The following GOLIM4 variants were observed in gnomAD, a reference collection of about 807,000 sequenced individuals.
GOLIM4 encodes the protein golgi integral membrane protein 4, also known as 130 kDa golgi-localized phosphoprotein.
A neutral mutation model predicts 107.4 loss-of-function variants in GOLIM4; 71 were observed. The observed-to-expected ratio is 0.66, with a 90% confidence interval of 0.55 to 0.81. The LOEUF is 0.81. GOLIM4 is among the 30% of genes least tolerant of loss of function. The pLI is 0.00. For missense variants in GOLIM4, 830 were observed against 826.1 expected (o/e 1.00, Z -0.06); for synonymous variants, 327 against 294.8 (o/e 1.11, Z -1.12).
chr3:168,024,685 T>TGAAAAG (rs1717899979), intron 13 of GOLIM4, 91 bp from the exon 14 acceptor site: 1 of 1,074,736 alleles, frequency 9.3e-7, no homozygotes, highest in Non-Finnish European at 1.4e-6. Context: ...CATGCCACCA[T>TGAAAAG]GAAAAGGGCA....
chr3:168,071,154 T>C (rs986181798), intron 1 of GOLIM4, among the ~76,000 whole-genome samples: 2 of 152,170 alleles, frequency 1.3e-5, no homozygotes, highest in African/African-American at 4.8e-5. Context: ...TCGTCAGTGA[T>C]TTTTAACCTC....
Position 168,095,559 on chromosome 3 carries a change from T to G in GOLIM4, c.-274A>C. On this transcript the variant is annotated 5_prime_UTR_variant, in exon 1 of 16. An upstream start codon of the reference 5' UTR is lost. Coordinates refer to ENST00000470487, the MANE Select transcript of GOLIM4 (RefSeq NM_014498.5). The stretch of plus-strand genomic sequence containing the variant: ...CGGGGCCGGGAGGAGGCCCTCCGCA[T>G]ACTTCAGAGCCGGCTGCCCTCGCGC... The G allele has an allele frequency of 2.3e-6, 1 of 437,982 alleles. No individual in the cohort carries two copies. Among genetic ancestry groups the G allele is most frequent in the Non-Finnish European group, 4.1e-6 (1 of 246,260 alleles). The allele number at this position is 437,982 out of a possible 1,614,324, so 27.1% of individuals were successfully genotyped here. A position where few individuals can be genotyped will look rare whatever the true frequency, so the allele number is the denominator to read the frequency against.
intron 2 of GOLIM4, among the ~76,000 whole-genome samples, chr3:168,047,553 A>G (rs1295706193): frequency 1.3e-5 from 2 of 152,202 alleles, no homozygotes; most frequent in Non-Finnish European, 2.9e-5. Context: ...GGGTCAGTAA[A>G]ACATCCTAAC....
intron 1 of GOLIM4, among the ~76,000 whole-genome samples, chr3:168,050,047 C>T (rs1036945303): frequency 2.6e-5 from 4 of 152,108 alleles, no homozygotes; most frequent in East Asian, 3.9e-4. Flanking sequence ...TTCCCTCATC[C>T]GTAGGCAGTC....
chr3:168,033,497 C>T (rs990561178), intron 8 of GOLIM4, among the ~76,000 whole-genome samples: 80 of 149,598 alleles, frequency 5.3e-4, no homozygotes, highest in South Asian at 8.6e-4. Flanking sequence ...GTCCCAGCTA[C>T]GCGGGAGGCT....
chr3:168,074,917 T>G (rs142392045), intron 1 of GOLIM4, among the ~76,000 whole-genome samples: 1 of 152,340 alleles, frequency 6.6e-6, no homozygotes, highest in African/African-American at 2.4e-5. Context: ...AGAGAGGAAA[T>G]TAGATGTGAT....
chr3:168,029,174 G>T, intron 11 of GOLIM4, 49 bp downstream of exon 11: 1 of 1,167,152 alleles, frequency 8.6e-7, no homozygotes, highest in Non-Finnish European at 1.3e-6. Context: ...AATATACAAT[G>T]TTATCAAGTA....
chr3:168,054,705 A>T (rs923070627), intron 1 of GOLIM4, among the ~76,000 whole-genome samples: 1 of 152,156 alleles, frequency 6.6e-6, no homozygotes, highest in African/African-American at 2.4e-5. Context: ...TGTCTATCAC[A>T]AAAGAACAGA....
At chr3:168,079,614 T>C (rs537417464) in intron 1 of GOLIM4, among the ~76,000 whole-genome samples, 13 of 152,220 alleles carry the variant, frequency 8.5e-5, no homozygotes, top group Non-Finnish European at 1.3e-4. Flanking sequence ...TAAATTGTTA[T>C]ATTTGGTTGC....
At chr3:168,076,520 C>T (rs1280084671) in intron 1 of GOLIM4, among the ~76,000 whole-genome samples, 1 of 152,152 alleles carries the variant, frequency 6.6e-6, no homozygotes, top group East Asian at 1.9e-4. Context: ...GGTGAAACTC[C>T]GTCTCTACTA....
intron 14 of GOLIM4, among the ~76,000 whole-genome samples, chr3:168,015,838 A>G (rs1466172613): frequency 7.5e-6 from 1 of 132,658 alleles, no homozygotes; most frequent in African/African-American, 4.2e-5. Context: ...GGCTAGCCAT[A>G]TGTAGAAAGC....
Position 168,010,789 on chromosome 3 carries a change from T to C in GOLIM4, c.1895A>G (p.Glu632Gly), listed in dbSNP as rs376136189. 39 of 1,612,268 alleles carry C rather than the reference T, an allele frequency of 2.4e-5. No individual in the cohort carries two copies. The highest frequency in any genetic ancestry group is 1.6e-4 in the Middle Eastern group (1 of 6,076). ...GGTCTCTTCAGCATTATGCTCCAGT[T>C]CCCTTTTTTTCTCTTCAGTCAAATC... ...QEDLTEEKKR[E>G]LEHNAEETYG... Residue 632 changes from glutamate (E) to glycine (G), a missense_variant, in exon 15 of 16, where the codon GAA (glutamate) becomes GGA (glycine). By Grantham distance (98) the Glu-to-Gly change is moderately conservative. Coordinates refer to ENST00000470487, the MANE Select transcript of GOLIM4 (RefSeq NM_014498.5).
chr3:168,022,854 G>A (rs1334080473), intron 14 of GOLIM4, among the ~76,000 whole-genome samples: 1 of 152,160 alleles, frequency 6.6e-6, no homozygotes, highest in Non-Finnish European at 1.5e-5. Flanking sequence ...CTGGGGCCAG[G>A]TGCAGCAAGA....
intron 1 of GOLIM4, among the ~76,000 whole-genome samples, chr3:168,060,867 A>G (rs1292023365): frequency 1.3e-5 from 2 of 152,192 alleles, no homozygotes; most frequent in Non-Finnish European, 2.9e-5. Flanking sequence ...AAGGTGGATA[A>G]TAACAGCAGG....
intron 1 of GOLIM4, among the ~76,000 whole-genome samples, chr3:168,094,387 T>A (rs1306535588): frequency 2.0e-5 from 3 of 152,200 alleles, no homozygotes; most frequent in Non-Finnish European, 4.4e-5. Flanking sequence ...CATACATGCA[T>A]CTCTGTGATG....
rs150742203 is a variant in GOLIM4 at position 168,032,505 on chromosome 3, C to A, written c.1176+15G>T. 281 of 1,593,712 alleles carry A rather than the reference C, an allele frequency of 1.8e-4. 1 individual carries two copies. In the African/African-American group the frequency reaches 3.2e-3, roughly 18 times the overall value. On this transcript the variant is annotated intron_variant, in intron 9 of 15. Coordinates refer to ENST00000470487, the MANE Select transcript of GOLIM4 (RefSeq NM_014498.5). ...CCATCCCAGTACACCATACCAGAAG[C>A]GGGTGACTTCATACCTCAGCACGCG...
chr3:168,071,573 T>C (rs988119649), intron 1 of GOLIM4, among the ~76,000 whole-genome samples: 5 of 150,662 alleles, frequency 3.3e-5, no homozygotes, highest in African/African-American at 1.2e-4. Flanking sequence ...CAAGGAAACA[T>C]GGCAACAGAA....
intron 12 of GOLIM4, 148 bp from the exon 13 acceptor site, chr3:168,025,243 G>A: frequency 1.6e-6 from 1 of 637,480 alleles, no homozygotes; most frequent in Non-Finnish European, 2.7e-6. Flanking sequence ...CAAGAATCAA[G>A]CATCACACTG....
chr3:168,023,285 C>T (rs1717813649), intron 14 of GOLIM4, among the ~76,000 whole-genome samples: 1 of 152,158 alleles, frequency 6.6e-6, no homozygotes, highest in African/African-American at 2.4e-5. Context: ...TATTCAAGGT[C>T]ACTATTTTCT....
Sources: gnomAD v4.1 joint callset for allele counts (sites outside exome capture counted in the v4.1 genomes callset) on GRCh38, gnomAD v4.1.1 for gene constraint, MANE v1.5 for transcripts, NCBI Gene and HGNC (gene_info 2026-07-23, HGNC 2026-07-21) for gene names.